Variants in MAST4 observed in about 807,000 individuals in gnomAD.
MAST4 encodes the protein microtubule-associated serine/threonine-protein kinase 4.
A neutral mutation model predicts 162.7 loss-of-function variants in MAST4; 89 were observed. The ratio of observed to expected loss-of-function variants is 0.55; its 90% confidence interval spans 0.46 to 0.65. MAST4 has a LOEUF of 0.65. Among genes scored for constraint, MAST4 ranks in the 30% least tolerant of loss-of-function variants. The pLI is 0.00. For synonymous variants in MAST4, 1,479 were observed against 1,361.1 expected (o/e 1.09, Z -1.91); for missense variants, 3,153 against 3,374.0 (o/e 0.93, Z 1.62).
intron 2 of MAST4, among the ~76,000 whole-genome samples, chr5:66,770,985 A>G (rs1754330370): frequency 6.6e-6 from 1 of 152,172 alleles, no homozygotes. Context: ...AAATACTCAG[A>G]TACAGCTAAA....
At chr5:66,880,907 T>C (rs1416854013) in intron 3 of MAST4, among the ~76,000 whole-genome samples, 3 of 152,226 alleles carry the variant, frequency 2.0e-5, no homozygotes, top group South Asian at 4.1e-4. Context: ...ATTGAGTACT[T>C]AGACTGGAAG....
intron 1 of MAST4, among the ~76,000 whole-genome samples, chr5:66,751,816 A>G (rs1290677544): frequency 0.012 from 1,805 of 148,928 alleles, 39 homozygotes; most frequent in African/African-American, 0.043. Flanking sequence ...ACTCCTCGAG[A>G]AGAGCAACTC....
intron 5 of MAST4, among the ~76,000 whole-genome samples, chr5:67,089,322 C>T (rs1763582073): frequency 1.3e-5 from 2 of 152,142 alleles, no homozygotes; most frequent in Admixed American, 6.5e-5. Context: ...CAAGCTTTCT[C>T]AATGATCAGC....
chr5:66,751,507 C>A (rs1753165366), intron 1 of MAST4, among the ~76,000 whole-genome samples: 1 of 152,124 alleles, frequency 6.6e-6, no homozygotes, highest in East Asian at 1.9e-4. Flanking sequence ...TCAGAAGCCT[C>A]AGGAGCCGAT....
At chr5:66,703,376 C>T (rs1000495653) in intron 1 of MAST4, among the ~76,000 whole-genome samples, 4 of 152,150 alleles carry the variant, frequency 2.6e-5, no homozygotes, top group Non-Finnish European at 5.9e-5. Context: ...TATATGTATG[C>T]ATGGATGATC....
At chr5:67,115,385 C>T (rs1024709352) in intron 12 of MAST4, among the ~76,000 whole-genome samples, 4 of 152,206 alleles carry the variant, frequency 2.6e-5, no homozygotes, top group African/African-American at 9.7e-5. Flanking sequence ...CCATCTGAAG[C>T]CAGGGAACCT....
chr5:66,865,357 C>G (rs529299664), intron 3 of MAST4, among the ~76,000 whole-genome samples: 3 of 152,278 alleles, frequency 2.0e-5, no homozygotes, highest in Admixed American at 1.3e-4. Flanking sequence ...ATTGGTTTTT[C>G]AGAGGTAGGG....
rs554539570 is a variant in MAST4, at chr5:66,990,620, C to G, written c.675-63784C>G. ...TGCCACTGCACTCCAGCCTGGGAGA[C>G]AGAAGCCTTGTCTCCCCATCACAAA... On this transcript the variant is annotated intron_variant, in intron 4 of 28. Coordinates refer to ENST00000403625, the MANE Select transcript of MAST4 (RefSeq NM_001164664.2). Among the ~76,000 whole-genome samples the G allele has an allele frequency of 2.4e-4, 37 of 152,268 alleles. No homozygotes were observed. In the South Asian group the frequency reaches 6.8e-3, roughly 28 times the overall value.
chr5:66,992,521 GT>G (rs1750177866), intron 4 of MAST4, among the ~76,000 whole-genome samples: 1 of 152,160 alleles, frequency 6.6e-6, no homozygotes, highest in Non-Finnish European at 1.5e-5. Context: ...TCATCTTAAA[GT>G]TTCAGTCCCC....
chr5:66,927,618 G>A (rs1422626053), intron 4 of MAST4, among the ~76,000 whole-genome samples: 1 of 152,162 alleles, frequency 6.6e-6, no homozygotes, highest in Non-Finnish European at 1.5e-5. Context: ...TAACTTGGTG[G>A]AGACAGAGAG....
At chr5:66,736,983 T>C (rs779282624) in intron 1 of MAST4, among the ~76,000 whole-genome samples, 9 of 152,214 alleles carry the variant, frequency 5.9e-5, no homozygotes, top group Non-Finnish European at 1.0e-4. Context: ...AAAGTCACTA[T>C]GAACACATAA....
chr5:66,765,891 A>G (rs1395768959), intron 2 of MAST4, among the ~76,000 whole-genome samples: 1 of 152,172 alleles, frequency 6.6e-6, no homozygotes, highest in Non-Finnish European at 1.5e-5. Context: ...ATAGACCTGG[A>G]GCTCACTATG....
At chr5:66,711,379 A>T (rs1166568693) in intron 1 of MAST4, among the ~76,000 whole-genome samples, 1 of 152,134 alleles carries the variant, frequency 6.6e-6, no homozygotes, top group Non-Finnish European at 1.5e-5. Flanking sequence ...GGTCTGGGAG[A>T]AGAATCAATT....
intron 4 of MAST4, among the ~76,000 whole-genome samples, chr5:66,930,221 G>A (rs573756417): frequency 4.9e-4 from 74 of 152,148 alleles, no homozygotes; most frequent in African/African-American, 1.7e-3. Flanking sequence ...ATCAAATTTC[G>A]CTTTTATCTA....
intron 5 of MAST4, among the ~76,000 whole-genome samples, chr5:67,088,449 T>G (rs1365327737): frequency 1.3e-5 from 2 of 152,202 alleles, no homozygotes; most frequent in Non-Finnish European, 2.9e-5. Flanking sequence ...AAAACAAAAT[T>G]TATATGAATA....
intron 4 of MAST4, among the ~76,000 whole-genome samples, chr5:66,937,350 G>A (rs930354528): frequency 4.6e-5 from 7 of 152,160 alleles, no homozygotes; most frequent in Admixed American, 2.6e-4. Context: ...TGCACTATCA[G>A]ACTGTCTTCC....
At chr5:66,669,913 C>T (rs1447176781) in intron 1 of MAST4, among the ~76,000 whole-genome samples, 2 of 152,200 alleles carry the variant, frequency 1.3e-5, no homozygotes, top group Non-Finnish European at 2.9e-5. Flanking sequence ...AAGGCCAAGT[C>T]TGAGGATGAA....
intron 4 of MAST4, among the ~76,000 whole-genome samples, chr5:67,045,699 T>C (rs1045656505): frequency 2.0e-5 from 3 of 152,148 alleles, no homozygotes; most frequent in South Asian, 4.1e-4. Context: ...ACCCTGAGCA[T>C]AGATTCAAGT....
At chr5:66,650,013 C>G (rs904955058) in intron 1 of MAST4, among the ~76,000 whole-genome samples, 1 of 152,028 alleles carries the variant, frequency 6.6e-6, no homozygotes, top group Non-Finnish European at 1.5e-5. Flanking sequence ...AGTCTAACCA[C>G]TTCTTACAGG....
Sources: gnomAD v4.1 joint callset for allele counts (sites outside exome capture counted in the v4.1 genomes callset) on GRCh38, gnomAD v4.1.1 for gene constraint, MANE v1.5 for transcripts, NCBI Gene and HGNC (gene_info 2026-07-23, HGNC 2026-07-21) for gene names.